Variants in PHF21B observed in about 807,000 individuals in gnomAD.
PHF21B encodes the protein PHD finger protein 21B, also known as PHD finger protein 4.
A neutral mutation model predicts 62.2 loss-of-function variants in PHF21B; 22 were observed. The observed-to-expected ratio is 0.35, with a 90% CI of 0.25 to 0.51. The LOEUF (loss-of-function observed/expected upper bound fraction) is 0.51, where lower values mean the gene tolerates loss of function less well. Among genes scored for constraint, PHF21B ranks in the 20% least tolerant of loss-of-function variants. PHF21B has a pLI of 0.97. For missense variants in PHF21B, 701 were observed against 707.9 expected (o/e 0.99, Z 0.11); for synonymous variants, 341 against 314.7 (o/e 1.08, Z -0.88).
chr22:44,887,818 C>G, intron 10 of PHF21B, 145 bp downstream of exon 10: 1 of 819,758 alleles, frequency 1.2e-6, no homozygotes. Context: ...CAAGGATTAT[C>G]CAGCCCCAAA....
intron 2 of PHF21B, among the ~76,000 whole-genome samples, chr22:44,995,009 C>T (rs1014710405): frequency 2.6e-5 from 4 of 152,248 alleles, no homozygotes; most frequent in African/African-American, 9.6e-5. Flanking sequence ...TACTCGCCAG[C>T]CAGGTCCCCG....
At position 44,958,154 on chromosome 22, in the gene PHF21B, T is replaced by C. The variant is rs543138851; in HGVS notation, c.121-37664A>G. ...CCGACCTCAGGTGATCTGCCCACCT[T>C]GGCCTCCCAAAGTGCTGGGATTACA... On this transcript the variant is annotated intron_variant, in intron 2 of 12. Coordinates refer to ENST00000313237, the MANE Select transcript of PHF21B (RefSeq NM_138415.5). 9.2e-5 allele frequency among the ~76,000 whole-genome samples: 14 copies of C among 152,316 alleles called. No individual in the cohort carries two copies. In the South Asian group the frequency reaches 2.7e-3, roughly 29 times the overall value.
chr22:44,960,485 C>T (rs1012350211), intron 2 of PHF21B, among the ~76,000 whole-genome samples: 1 of 152,146 alleles, frequency 6.6e-6, no homozygotes, highest in Non-Finnish European at 1.5e-5. Context: ...CTGTCTGCAC[C>T]CATATTAAGG....
At chr22:44,919,598 C>T (rs1187946758) in intron 3 of PHF21B, among the ~76,000 whole-genome samples, 32 of 152,212 alleles carry the variant, frequency 2.1e-4, no homozygotes, top group Admixed American at 2.1e-3. Context: ...GGGAATCTGT[C>T]TAGCCCTGAG....
chr22:44,886,868 TC>T (rs1221558645), intron 10 of PHF21B, among the ~76,000 whole-genome samples: 2 of 152,000 alleles, frequency 1.3e-5, no homozygotes, highest in East Asian at 3.9e-4. Flanking sequence ...GTATTAAAAC[TC>T]CCGGCCTGGG....
chr22:44,979,657 T>C (rs973328331), intron 2 of PHF21B, among the ~76,000 whole-genome samples: 6 of 152,244 alleles, frequency 3.9e-5, no homozygotes, highest in African/African-American at 9.6e-5. Flanking sequence ...TTGGTGTCCA[T>C]GACTATCTCC....
intron 2 of PHF21B, 164 bp downstream of exon 2, chr22:45,008,381 T>G: frequency 1.7e-6 from 1 of 600,200 alleles, no homozygotes. Flanking sequence ...ACCCGGCTCT[T>G]TCTTTCCAGG....
intron 2 of PHF21B, among the ~76,000 whole-genome samples, chr22:44,983,306 C>T (rs1954660714): frequency 6.6e-6 from 1 of 152,062 alleles, no homozygotes; most frequent in South Asian, 2.1e-4. Flanking sequence ...GCGAGTTGGG[C>T]TCCTCTTGCT....
intron 2 of PHF21B, among the ~76,000 whole-genome samples, chr22:44,987,408 G>C (rs941268449): frequency 1.3e-5 from 2 of 152,190 alleles, no homozygotes; most frequent in Non-Finnish European, 2.9e-5. Flanking sequence ...AAGCTAAGCT[G>C]TAACAGCCAC....
Position 45,009,829 on chromosome 22 carries a change from C to G in PHF21B, c.-280G>C, listed in dbSNP as rs975006743. 1.3e-5 allele frequency: 2 copies of G among 149,272 alleles called. No individual in the cohort carries two copies. Among genetic ancestry groups the G allele is most frequent in the Middle Eastern group, 3.1e-3 (1 of 326 alleles). 9.2% of individuals were successfully genotyped at this position (149,272 alleles called of 1,614,324 possible). A position where few individuals can be genotyped will look rare whatever the true frequency, so the allele number is the denominator to read the frequency against. On this transcript the variant is annotated 5_prime_UTR_variant, in exon 1 of 13. Coordinates refer to ENST00000313237, the MANE Select transcript of PHF21B (RefSeq NM_138415.5). The surrounding 1 kb of genome is among the most constrained non-coding windows in gnomAD (Gnocchi z 5.9). ...GCTGCCGGCGCGGCCCGGAGCATGG[C>G]CCCCCCGGCGCCGGGAGCCCCGCGC...
chr22:44,911,022 A>T (rs868030877), intron 5 of PHF21B, among the ~76,000 whole-genome samples: 1 of 152,200 alleles, frequency 6.6e-6, no homozygotes, highest in Non-Finnish European at 1.5e-5. Flanking sequence ...TGGGAACTGG[A>T]GCAAAGGTGA....
chr22:44,999,050 C>G (rs1335483097), intron 2 of PHF21B, among the ~76,000 whole-genome samples: 1 of 152,178 alleles, frequency 6.6e-6, no homozygotes, highest in African/African-American at 2.4e-5. Context: ...AAGTGCCAAG[C>G]CAAAGTAAAA....
chr22:44,886,824 G>C (rs1056834833), intron 10 of PHF21B, among the ~76,000 whole-genome samples: 1 of 152,154 alleles, frequency 6.6e-6, no homozygotes, highest in Non-Finnish European at 1.5e-5. Flanking sequence ...AGGGATGATG[G>C]GAACTCCCAA....
At chr22:44,907,840 T>G (rs1250899417) in intron 5 of PHF21B, among the ~76,000 whole-genome samples, 3 of 152,158 alleles carry the variant, frequency 2.0e-5, no homozygotes, top group Non-Finnish European at 2.9e-5. Context: ...GGACACAGAC[T>G]GGCCTGTGAG....
intron 2 of PHF21B, among the ~76,000 whole-genome samples, chr22:44,983,511 T>A (rs1299567282): frequency 6.6e-6 from 1 of 152,122 alleles, no homozygotes; most frequent in Non-Finnish European, 1.5e-5. Context: ...CCTGTGGGCA[T>A]CAGCAGACAA....
intron 2 of PHF21B, among the ~76,000 whole-genome samples, chr22:44,958,325 G>A (rs974713735): frequency 3.9e-5 from 6 of 152,292 alleles, no homozygotes; most frequent in African/African-American, 1.4e-4. Context: ...CTGTGCTCTG[G>A]AATTTCATGG....
At chr22:44,948,910 G>A (rs567730414) in intron 2 of PHF21B, among the ~76,000 whole-genome samples, 2 of 152,302 alleles carry the variant, frequency 1.3e-5, no homozygotes, top group South Asian at 4.1e-4. Context: ...CACAGACAAA[G>A]GTGATTCGCG....
intron 2 of PHF21B, among the ~76,000 whole-genome samples, chr22:44,945,054 C>T (rs1033887697): frequency 5.3e-5 from 8 of 152,380 alleles, no homozygotes; most frequent in African/African-American, 1.4e-4. Flanking sequence ...GGCTCACTCA[C>T]TCCTTGCCTG....
chr22:44,967,345 C>T (rs531297973), intron 2 of PHF21B, among the ~76,000 whole-genome samples: 2 of 151,772 alleles, frequency 1.3e-5, no homozygotes, highest in South Asian at 2.1e-4. Context: ...CTCAGCCTCC[C>T]GAGTAGCTGG....
Sources: allele counts gnomAD v4.1 joint callset (sites outside exome capture counted in the v4.1 genomes callset), GRCh38; gene constraint gnomAD v4.1.1; non-coding constraint Gnocchi (gnomAD v3.1); transcripts MANE v1.5; gene names NCBI Gene and HGNC (gene_info 2026-07-23, HGNC 2026-07-21).